Variants in TCF7L2 observed in about 807,000 individuals in gnomAD.
TCF7L2 encodes transcription factor 7 like 2, also known as transcription factor 7-like 2.
Under a neutral mutation model 77.9 loss-of-function variants are expected in TCF7L2, and 23 were observed. The ratio of observed to expected loss-of-function variants is 0.30; its 90% CI spans 0.21 to 0.42. The LOEUF (loss-of-function observed/expected upper bound fraction) is 0.42. TCF7L2 is among the 10% of genes least tolerant of loss of function. TCF7L2 has a pLI of 1.00. For missense variants in TCF7L2, 654 were observed against 793.1 expected (o/e 0.82, Z 2.11); for synonymous variants, 413 against 340.2 (o/e 1.21, Z -2.36).
chr10:113,073,685 G>A lies in TCF7L2; in HGVS notation c.552+33559G>A, dbSNP rs939688374. ...CCAGCCTGGGCGACTGTGAGACCCC[G>A]TCTTTAAGAAAAAAAAAAAAACAAA... On this transcript the variant is annotated intron_variant, in intron 5 of 13. Coordinates refer to ENST00000627217, the MANE Select transcript of TCF7L2 (RefSeq NM_001146274.2). 4.7e-5 allele frequency among the ~76,000 whole-genome samples: 7 copies of A among 149,358 alleles called. No homozygotes were observed. In the East Asian group the frequency reaches 1.2e-3, roughly 25 times the overall value.
chr10:113,071,398 A>G (rs1237346974), intron 5 of TCF7L2, among the ~76,000 whole-genome samples: 1 of 152,124 alleles, frequency 6.6e-6, no homozygotes, highest in East Asian at 1.9e-4. Flanking sequence ...CACTGGAGCA[A>G]GAGAAGCTTG....
At position 113,017,638 on chromosome 10, in the gene TCF7L2, G is replaced by A. The variant is rs188451932; in HGVS notation, c.451-22387G>A. On this transcript the variant is annotated intron_variant, in intron 4 of 13. Coordinates refer to ENST00000627217, the MANE Select transcript of TCF7L2 (RefSeq NM_001146274.2). ...ACTGGAGACACCCTCTCTGGTCACC[G>A]CAGACTTCCTGCCCTCCATCCAGTG... Among the ~76,000 whole-genome samples, 278 of 152,302 alleles carry A rather than the reference G, an allele frequency of 1.8e-3. 1 individual carries two copies. Among genetic ancestry groups the A allele is most frequent in the Non-Finnish European group, 3.1e-3 (208 of 68,026 alleles).
intron 4 of TCF7L2, among the ~76,000 whole-genome samples, chr10:112,970,586 G>A (rs1273924651): frequency 6.6e-6 from 1 of 152,030 alleles, no homozygotes; most frequent in East Asian, 1.9e-4. Flanking sequence ...GTCTGTGTCT[G>A]AGCAGACCCT....
intron 5 of TCF7L2, among the ~76,000 whole-genome samples, chr10:113,081,618 C>T (rs1373164848): frequency 1.3e-5 from 2 of 152,156 alleles, no homozygotes; most frequent in Non-Finnish European, 2.9e-5. Flanking sequence ...AGGACAGAGA[C>T]TCTGTCAGTT....
intron 13 of TCF7L2, among the ~76,000 whole-genome samples, chr10:113,160,931 C>T (rs2073069012): frequency 6.6e-6 from 1 of 152,196 alleles, no homozygotes. Flanking sequence ...ACTGAGACCA[C>T]AGCCTTAACA....
At chr10:112,955,188 C>CAATGTATT (rs2033205534) in intron 3 of TCF7L2, among the ~76,000 whole-genome samples, 1 of 147,270 alleles carries the variant, frequency 6.8e-6, no homozygotes, top group Non-Finnish European at 1.5e-5. Flanking sequence ...ACTGTAATTA[C>CAATGTATT]ACAGGTCATT....
At chr10:113,047,921 T>A (rs1036432902) in intron 5 of TCF7L2, among the ~76,000 whole-genome samples, 3 of 152,190 alleles carry the variant, frequency 2.0e-5, no homozygotes, top group Non-Finnish European at 2.9e-5. Flanking sequence ...GGCTAGCGTT[T>A]CCTGACATTT....
At chr10:113,143,165 G>A (rs536330530) in intron 6 of TCF7L2, among the ~76,000 whole-genome samples, 2 of 152,234 alleles carry the variant, frequency 1.3e-5, no homozygotes, top group Admixed American at 6.5e-5. Context: ...GCAGATGTGC[G>A]GTGGCACGTA....
rs563252944 is a variant in TCF7L2, at chr10:113,079,126, G to A, written c.552+39000G>A. 1.4e-4 allele frequency among the ~76,000 whole-genome samples: 21 copies of A among 152,282 alleles called. No homozygotes were observed. In the South Asian group the frequency reaches 2.7e-3, roughly 20 times the overall value. On this transcript the variant is annotated intron_variant, in intron 5 of 13. Coordinates refer to ENST00000627217, the MANE Select transcript of TCF7L2 (RefSeq NM_001146274.2). ...TGGGATTACAGGCGTGAGCCAGTGC[G>A]CTGGGCCAGCCACAGCAGATTCTGA... is the stretch of plus-strand genomic sequence containing the variant.
chr10:113,006,249 G>T (rs2045530433), intron 4 of TCF7L2, among the ~76,000 whole-genome samples: 2 of 152,168 alleles, frequency 1.3e-5, no homozygotes, highest in South Asian at 4.2e-4. Context: ...GTTTCTAAAA[G>T]GGGAAAAGGG....
chr10:113,011,403 G>A (rs1165312019), intron 4 of TCF7L2, among the ~76,000 whole-genome samples: 1 of 152,182 alleles, frequency 6.6e-6, no homozygotes, highest in Non-Finnish European at 1.5e-5. Context: ...TTTGAACTCT[G>A]TGTGCTAATG....
In TCF7L2 at chr10:113,159,330, TA is replaced by T. The variant is rs539793387; in HGVS notation, c.1318+1269del. Among the ~76,000 whole-genome samples the T allele has an allele frequency of 5.0e-3, 764 of 152,026 alleles. 7 individuals carry two copies. Among genetic ancestry groups the T allele is most frequent in the African/African-American group, 0.017 (716 of 41,504 alleles). ...TCTTAATAATTAATGAAAATAGATT[TA>T]AAAAAAAGACGAACGTTCCAAAAGC... On this transcript the variant is annotated intron_variant, in intron 12 of 13. Coordinates refer to ENST00000627217, the MANE Select transcript of TCF7L2 (RefSeq NM_001146274.2).
At chr10:113,052,849 A>G (rs2054698262) in intron 5 of TCF7L2, among the ~76,000 whole-genome samples, 1 of 152,230 alleles carries the variant, frequency 6.6e-6, no homozygotes, top group African/African-American at 2.4e-5. Flanking sequence ...CCACCTTTCT[A>G]TTAGACATTG....
intron 5 of TCF7L2, among the ~76,000 whole-genome samples, chr10:113,061,155 T>G (rs1311305304): frequency 6.6e-6 from 1 of 151,896 alleles, no homozygotes; most frequent in African/African-American, 2.4e-5. Flanking sequence ...CCGACAAAAA[T>G]CAAGCTCTTG....
Position 113,165,635 on chromosome 10 carries a change from A to AT in TCF7L2, c.1474dup (p.Ser492PhefsTer21), listed in dbSNP as rs1564994500. The AT allele has an allele frequency of 6.2e-7, 1 of 1,613,186 alleles. No individual in the cohort carries two copies. Among genetic ancestry groups the AT allele is most frequent in the East Asian group, 2.2e-5 (1 of 44,834 alleles). ...CCCTCTTCAGATGGAAGCTTACTAGATTCGCCTCCCCCCTCCCCGAACCTG... is the reference window on the plus strand; with the variant it reads ...CCCTCTTCAGATGGAAGCTTACTAGATTTCGCCTCCCCCCTCCCCGAACCTG... On this transcript the variant is annotated frameshift_variant, in exon 14 of 14. Transcript: ENST00000627217. LOFTEE classifies it high-confidence loss of function.
At chr10:113,118,945 T>C (rs568837365) in intron 5 of TCF7L2, among the ~76,000 whole-genome samples, 1 of 152,184 alleles carries the variant, frequency 6.6e-6, no homozygotes, top group South Asian at 2.1e-4. Flanking sequence ...CATTCAGAAC[T>C]GGAGAATAGA....
intron 3 of TCF7L2, among the ~76,000 whole-genome samples, chr10:112,960,945 G>A (rs1484446960): frequency 2.0e-5 from 3 of 152,072 alleles, no homozygotes; most frequent in African/African-American, 2.4e-5. Flanking sequence ...CGGCCTCCTC[G>A]GCCTCCCAAA....
In TCF7L2 at chr10:113,033,339, A is replaced by G. The variant is rs76603501; in HGVS notation, c.451-6686A>G. On this transcript the variant is annotated intron_variant, in intron 4 of 13. Transcript: ENST00000627217. ...AGTGGCACCTTCTTGGCTTATTGCAACCTCTGCCTCCTGGGCTCAAGTGAT... is the reference window on the plus strand; with the variant it reads ...AGTGGCACCTTCTTGGCTTATTGCAGCCTCTGCCTCCTGGGCTCAAGTGAT... Among the ~76,000 whole-genome samples, 1,107 of 150,334 alleles carry G rather than the reference A, an allele frequency of 7.4e-3. 10 individuals are homozygous for G. The highest frequency in any genetic ancestry group is 0.025 in the African/African-American group (1,042 of 40,866).
At chr10:113,009,675 G>A (rs1168002500) in intron 4 of TCF7L2, among the ~76,000 whole-genome samples, 1 of 152,210 alleles carries the variant, frequency 6.6e-6, no homozygotes, top group Non-Finnish European at 1.5e-5. Context: ...ACGTCCCTGA[G>A]ATGGGCTTCT....
Sources: allele counts gnomAD v4.1 joint callset (sites outside exome capture counted in the v4.1 genomes callset), GRCh38; gene constraint gnomAD v4.1.1; transcripts MANE v1.5; gene names NCBI Gene and HGNC (gene_info 2026-07-23, HGNC 2026-07-21).